The following ELN variants were observed in gnomAD, a reference collection of about 807,000 sequenced individuals.
ELN encodes the protein tropoelastin.
ELN carries 65 observed loss-of-function variants against 105.8 expected under a neutral mutation model. That is an observed-to-expected ratio of 0.61 (90% CI 0.50 to 0.75). ELN has a LOEUF of 0.75. ELN is among the 30% of genes least tolerant of loss of function. The pLI, the probability that ELN is intolerant of heterozygous loss-of-function variation, is 0.00. For missense variants in ELN, 882 were observed against 969.4 expected, an observed-to-expected ratio of 0.91 and a Z score of 1.20; for synonymous variants, 368 against 389.2, an observed-to-expected ratio of 0.95 and a Z score of 0.64.
intron 26 of ELN, 97 bp downstream of exon 26, chr7:74,061,236 G>T: frequency 1.3e-6 from 2 of 1,522,670 alleles, no homozygotes; most frequent in Non-Finnish European, 1.8e-6. Context: ...GGCAGTTTCG[G>T]CCGGGCGTGG....
chr7:74,056,165 C>G (rs1554679439), intron 19 of ELN, 106 bp from the exon 20 acceptor site: 1 of 1,465,532 alleles, frequency 6.8e-7, no homozygotes, highest in Non-Finnish European at 9.6e-7. Flanking sequence ...ATGGACAAGG[C>G]CTGGGGGAAA....
intron 22 of ELN, 57 bp downstream of exon 22, chr7:74,057,753 T>C: frequency 6.3e-7 from 1 of 1,593,504 alleles, no homozygotes; most frequent in Non-Finnish European, 8.6e-7. Context: ...TCCTGTGCCC[T>C]GCTCTGGGGT....
chr7:74,041,140 C>G, intron 4 of ELN, 76 bp from the exon 5 acceptor site: 2 of 1,602,592 alleles, frequency 1.2e-6, no homozygotes, highest in Non-Finnish European at 1.7e-6. Flanking sequence ...ACAGCACTGC[C>G]CTAACTCCAG....
At chr7:74,058,473 GC>G (rs1343758674) in intron 22 of ELN, among the ~76,000 whole-genome samples, 1 of 151,702 alleles carries the variant, frequency 6.6e-6, no homozygotes, top group African/African-American at 2.4e-5. Flanking sequence ...GCCTGCTTCC[GC>G]CCCCCAAGAG....
Position 74,063,070 on chromosome 7 carries a change from C to T in ELN, c.1787-83C>T. The T allele has an allele frequency of 1.3e-6, 2 of 1,515,622 alleles. No individual in the cohort carries two copies. Among genetic ancestry groups the T allele is most frequent in the Non-Finnish European group, 1.8e-6 (2 of 1,116,748 alleles). 93.9% of individuals were successfully genotyped at this position (1,515,622 alleles called of 1,614,324 possible). A position where few individuals can be genotyped will look rare whatever the true frequency, so the allele number is the denominator to read the frequency against. On this transcript the variant is annotated intron_variant, in intron 26 of 32. Coordinates refer to ENST00000252034, the MANE Select transcript of ELN (RefSeq NM_000501.4). The surrounding 1 kb of genome is among the most constrained non-coding windows in gnomAD (Gnocchi z 4.1). The stretch of plus-strand genomic sequence containing the variant: ...CCACAGTGTCACATGGCCCCTGCCA[C>T]CTGTCTGCTTGCCTTGTGTCCCTGG...
rs782153420 is a variant in ELN at position 74,066,787 on chromosome 7, C to T, written c.2131+11C>T. On this transcript the variant is annotated intron_variant, in intron 32 of 32. Transcript: ENST00000252034. ...CTCCCATTTTCCCAGGTATGCCAGGCTCCCTGCCCCTGGGCCCTGCCCTGG... is the reference window on the plus strand; with the variant it reads ...CTCCCATTTTCCCAGGTATGCCAGGTTCCCTGCCCCTGGGCCCTGCCCTGG... 17 of 1,612,956 alleles carry T rather than the reference C, an allele frequency of 1.1e-5. No individual in the cohort carries two copies. In the East Asian group the frequency reaches 1.8e-4, roughly 17 times the overall value.
intron 21 of ELN, chr7:74,057,429 G>C (rs781949629): frequency 1.3e-6 from 2 of 1,521,800 alleles, no homozygotes; most frequent in African/African-American, 2.8e-5. Flanking sequence ...AGGTGCCCCA[G>C]GCGCAGTCCC....
Position 74,043,136 on chromosome 7 carries a change from C to A in ELN, c.395C>A (p.Pro132His), listed in dbSNP as rs147515847. The change falls in exon 8 of 33, where the codon CCT becomes CAT. Residue 132 changes from proline to histidine, a missense_variant. Pro to His is a moderately conservative substitution (Grantham distance 77). Transcript: ENST00000252034. Reference protein sequence around the residue: ...GVSAGAVVPQPGAGVKPGKVP... With the variant: ...GVSAGAVVPQHGAGVKPGKVP... ...GTGCCAGGTGCGGTGGTTCCTCAGCCTGGAGCCGGAGTGAAGCCTGGGAAA... is the reference window on the plus strand; with the variant it reads ...GTGCCAGGTGCGGTGGTTCCTCAGCATGGAGCCGGAGTGAAGCCTGGGAAA... The A allele has an allele frequency of 6.2e-7, 1 of 1,611,802 alleles. No individual in the cohort carries two copies. The highest frequency in any genetic ancestry group is 8.5e-7 in the Non-Finnish European group (1 of 1,178,900).
chr7:74,045,184 G>A (rs782363568), intron 9 of ELN, 38 bp from the exon 10 acceptor site: 7 of 1,612,718 alleles, frequency 4.3e-6, no homozygotes, highest in Non-Finnish European at 5.9e-6. Context: ...GGCCTGCAAG[G>A]CCTGCCTTCC....
Position 74,043,155 on chromosome 7 carries a change from T to C in ELN, c.414T>C (p.Pro138=), listed in dbSNP as rs782230185. The C allele has an allele frequency of 5.7e-5, 91 of 1,604,472 alleles. No individual in the cohort carries two copies. Among genetic ancestry groups the C allele is most frequent in the Non-Finnish European group, 7.5e-5 (88 of 1,175,282 alleles). The change falls in exon 8 of 33, where the codon CCT becomes CCC. Residue 138 remains proline, a synonymous_variant. Coordinates refer to ENST00000252034, the MANE Select transcript of ELN (RefSeq NM_000501.4). The part of the protein sequence containing the change: ...VVPQPGAGVK[P]GKVPGVGLPG... ...CTCAGCCTGGAGCCGGAGTGAAGCC[T>C]GGGAAAGTGCCGGGTCAGTGCGGAA...
rs151157396 is a variant in ELN at position 74,050,068 on chromosome 7, T to C, written c.799+1512T>C. Among the ~76,000 whole-genome samples, 1,265 of 150,642 alleles carry C rather than the reference T, an allele frequency of 8.4e-3. 38 individuals are homozygous for C. The East Asian group carries it at 0.12, about 15-fold the overall frequency. ...ATGCATCCATCCTTCCATCCATTCATCCATCCATCCATCCATCCATCTATT... is the reference window on the plus strand; with the variant it reads ...ATGCATCCATCCTTCCATCCATTCACCCATCCATCCATCCATCCATCTATT... On this transcript the variant is annotated intron_variant, in intron 15 of 32. Transcript: ENST00000252034.
At chr7:74,052,867 AAGAAAG>A in intron 17 of ELN, 11 of 440,552 alleles carry the variant, frequency 2.5e-5, no homozygotes, top group Non-Finnish European at 4.1e-5. Flanking sequence ...GAGAGAAAGA[AAGAAAG>A]AGAGAGAGAG....
chr7:74,061,034 G>A, intron 25 of ELN, 67 bp from the exon 26 acceptor site: 1 of 1,594,912 alleles, frequency 6.3e-7, no homozygotes, highest in Non-Finnish European at 8.6e-7. Context: ...CTCTCTAGAG[G>A]AGGCGGCAGA....
At chr7:74,058,922 C>G (rs1322243461) in intron 22 of ELN, among the ~76,000 whole-genome samples, 10 of 152,102 alleles carry the variant, frequency 6.6e-5, no homozygotes, top group African/African-American at 2.4e-4. Flanking sequence ...ACACAGCAAT[C>G]TTTATTATTT....
intron 25 of ELN, 179 bp downstream of exon 25, chr7:74,060,680 G>T: frequency 2.6e-6 from 4 of 1,513,156 alleles, no homozygotes; most frequent in Non-Finnish European, 3.6e-6. Flanking sequence ...CCAGGCCAAG[G>T]GACCCCAGGC....
At chr7:74,056,506 G>A (rs1583907732) in intron 20 of ELN, 71 bp downstream of exon 20, 2 of 1,610,164 alleles carry the variant, frequency 1.2e-6, no homozygotes, top group African/African-American at 2.7e-5. Flanking sequence ...CGGCTCTGCA[G>A]GGGCAGTGGG....
chr7:74,034,080 T>G (rs1246281690), intron 1 of ELN, among the ~76,000 whole-genome samples: 2 of 152,186 alleles, frequency 1.3e-5, no homozygotes, highest in Non-Finnish European at 2.9e-5. Context: ...CTATTCACTG[T>G]GCTCATTCAT....
chr7:74,053,559 C>T (rs1794591404), intron 18 of ELN, among the ~76,000 whole-genome samples: 1 of 152,078 alleles, frequency 6.6e-6, no homozygotes, highest in Admixed American at 6.6e-5. Context: ...GGGCAGGAAC[C>T]GTGTCTTTTT....
intron 15 of ELN, among the ~76,000 whole-genome samples, chr7:74,049,365 CG>C: frequency 6.9e-6 from 1 of 145,898 alleles, no homozygotes; most frequent in East Asian, 2.2e-4. Context: ...CATCCATCCA[CG>C]CATCCATCCA....
Sources: allele counts gnomAD v4.1 joint callset (sites outside exome capture counted in the v4.1 genomes callset), GRCh38; gene constraint gnomAD v4.1.1; non-coding constraint Gnocchi (gnomAD v3.1); transcripts MANE v1.5; gene names NCBI Gene and HGNC (gene_info 2026-07-23, HGNC 2026-07-21).